Variants in IFT80 observed in about 807,000 individuals in gnomAD.
IFT80 encodes the protein intraflagellar transport protein 80 homolog.
A neutral mutation model predicts 107.9 loss-of-function variants in IFT80; 79 were observed. The ratio of observed to expected loss-of-function variants is 0.73; its 90% CI spans 0.61 to 0.88. IFT80 has a LOEUF of 0.88. Ranked by LOEUF, IFT80 falls within the 40% of genes least tolerant of loss-of-function variation. The pLI, the probability that IFT80 is intolerant of heterozygous loss-of-function variation, is 0.00. For missense variants in IFT80, 797 were observed against 914.2 expected, an observed-to-expected ratio of 0.87 and a Z score of 1.65; for synonymous variants, 299 against 300.9, an observed-to-expected ratio of 0.99 and a Z score of 0.07.
chr3:160,391,910 AG>A (rs1713415005), intron 1 of IFT80, among the ~76,000 whole-genome samples: 1 of 152,238 alleles, frequency 6.6e-6, no homozygotes, highest in Non-Finnish European at 1.5e-5. Context: ...AAACTAATGC[AG>A]GGAATTATCT....
chr3:160,313,967 T>C (rs1297064715), intron 9 of IFT80, among the ~76,000 whole-genome samples: 5 of 152,264 alleles, frequency 3.3e-5, no homozygotes, highest in African/African-American at 1.2e-4. Flanking sequence ...GCTCCAGGAT[T>C]AATTTCCTGA....
intron 13 of IFT80, among the ~76,000 whole-genome samples, chr3:160,283,006 T>TA: frequency 6.6e-6 from 1 of 152,190 alleles, no homozygotes; most frequent in African/African-American, 2.4e-5. Context: ...TAAATATTTG[T>TA]AAAAAAAATT....
Position 160,356,071 on chromosome 3 carries a change from T to G in IFT80, c.719A>C (p.Asp240Ala). Reference sequence around the variant, plus strand: ...CGATCCAACAGCAAATAATTCTCCATCTGGAGCCCAGGCAACTGAAGTAAT... The same window carrying G: ...CGATCCAACAGCAAATAATTCTCCAGCTGGAGCCCAGGCAACTGAAGTAAT... The part of the protein sequence containing the change: ...HPITSVAWAP[D>A]GELFAVGSFH... Residue 240 changes from aspartate (D) to alanine (A), a missense_variant, in exon 8 of 20, where the codon GAT becomes GCT. By Grantham distance (126) the Asp-to-Ala change is moderately radical. Coordinates refer to ENST00000326448, the MANE Select transcript of IFT80 (RefSeq NM_020800.3). 6.2e-7 allele frequency: 1 copy of G among 1,614,170 alleles called. No individual in the cohort carries two copies. The highest frequency in any genetic ancestry group is 1.6e-4 in the Middle Eastern group (1 of 6,062).
At chr3:160,364,891 T>A (rs994529317) in intron 6 of IFT80, among the ~76,000 whole-genome samples, 1 of 151,720 alleles carries the variant, frequency 6.6e-6, no homozygotes, top group Non-Finnish European at 1.5e-5. Context: ...TTAGGAGAAA[T>A]ACCTAATATA....
At chr3:160,260,215 T>C (rs1407843036) in intron 19 of IFT80, among the ~76,000 whole-genome samples, 3 of 152,202 alleles carry the variant, frequency 2.0e-5, no homozygotes, top group African/African-American at 7.2e-5. Context: ...CTCTCACTCA[T>C]AGAAGACAAA....
chr3:160,359,316 C>T (rs2108365650), intron 6 of IFT80, among the ~76,000 whole-genome samples: 1 of 152,302 alleles, frequency 6.6e-6, no homozygotes, highest in African/African-American at 2.4e-5. Context: ...TAACCAGCTT[C>T]CTGAGTTTCA....
intron 19 of IFT80, among the ~76,000 whole-genome samples, chr3:160,260,211 C>G (rs1416688456): frequency 1.3e-5 from 2 of 152,130 alleles, no homozygotes; most frequent in Non-Finnish European, 2.9e-5. Flanking sequence ...ATTCCTCTCA[C>G]TCATAGAAGA....
intron 10 of IFT80, among the ~76,000 whole-genome samples, chr3:160,306,437 A>C (rs1354398604): frequency 6.6e-6 from 1 of 152,166 alleles, no homozygotes; most frequent in Non-Finnish European, 1.5e-5. Context: ...CCCCATGAAA[A>C]TTAATTATTC....
chr3:160,313,414 T>C (rs1049777182), intron 9 of IFT80, among the ~76,000 whole-genome samples: 1 of 151,874 alleles, frequency 6.6e-6, no homozygotes, highest in Non-Finnish European at 1.5e-5. Context: ...ATTAAAATTA[T>C]AGATAGATTT....
intron 8 of IFT80, among the ~76,000 whole-genome samples, chr3:160,325,429 A>G: frequency 6.6e-6 from 1 of 152,256 alleles, no homozygotes; most frequent in African/African-American, 2.4e-5. Flanking sequence ...AAGAACTTAC[A>G]GATGCATGAT....
At chr3:160,388,274 A>C (rs556015346) in intron 1 of IFT80, among the ~76,000 whole-genome samples, 3 of 151,392 alleles carry the variant, frequency 2.0e-5, no homozygotes, top group African/African-American at 7.3e-5. Context: ...AAATCACATC[A>C]ATTACAAACA....
At position 160,385,965 on chromosome 3, in the gene IFT80, A is replaced by T. The variant is rs140181333; in HGVS notation, c.-46-1319T>A. Among the ~76,000 whole-genome samples, 477 of 152,356 alleles carry T rather than the reference A, an allele frequency of 3.1e-3. 3 individuals are homozygous for T. The highest frequency in any genetic ancestry group is 0.011 in the African/African-American group (437 of 41,588). On this transcript the variant is annotated intron_variant, in intron 1 of 19. Transcript: ENST00000326448. ...ATAACAACAATACACATAAAAACTG[A>T]ATATACTATTACAATCAGAAACTTA...
intron 8 of IFT80, among the ~76,000 whole-genome samples, chr3:160,324,401 T>C (rs1718514800): frequency 1.3e-5 from 2 of 152,010 alleles, no homozygotes; most frequent in African/African-American, 4.8e-5. Context: ...GCAAAACGAA[T>C]CCAGCAGCAC....
At chr3:160,321,534 A>G (rs1413672753) in intron 8 of IFT80, among the ~76,000 whole-genome samples, 1 of 151,988 alleles carries the variant, frequency 6.6e-6, no homozygotes, top group East Asian at 1.9e-4. Context: ...TGGAAGCCTG[A>G]AACTATAGAA....
intron 5 of IFT80, among the ~76,000 whole-genome samples, chr3:160,366,621 C>A (rs1286601845): frequency 6.6e-6 from 1 of 151,962 alleles, no homozygotes; most frequent in Non-Finnish European, 1.5e-5. Flanking sequence ...AAGCAGCAGT[C>A]TTGGGGCTTG....
chr3:160,389,851 T>C (rs548366249), intron 1 of IFT80, among the ~76,000 whole-genome samples: 66 of 152,248 alleles, frequency 4.3e-4, no homozygotes, highest in Admixed American at 7.2e-4. Context: ...TACCCACTAA[T>C]GGGATGGCTG....
chr3:160,367,480 A>C (rs1721944478), intron 5 of IFT80, among the ~76,000 whole-genome samples: 1 of 152,094 alleles, frequency 6.6e-6, no homozygotes, highest in Non-Finnish European at 1.5e-5. Flanking sequence ...AAATAACTTC[A>C]TCCAAAAACA....
chr3:160,324,468 G>T (rs577551836), intron 8 of IFT80, among the ~76,000 whole-genome samples: 169 of 152,170 alleles, frequency 1.1e-3, no homozygotes, highest in Non-Finnish European at 2.0e-3. Context: ...TGCAAGGCTG[G>T]TTCAATATAC....
chr3:160,266,154 T>A (rs1713300033), intron 19 of IFT80, among the ~76,000 whole-genome samples: 1 of 151,798 alleles, frequency 6.6e-6, no homozygotes, highest in Admixed American at 6.6e-5. Flanking sequence ...CTATATAGTT[T>A]CTGGATGGAA....
Sources: gnomAD v4.1 joint callset for allele counts (sites outside exome capture counted in the v4.1 genomes callset) on GRCh38, gnomAD v4.1.1 for gene constraint, MANE v1.5 for transcripts, NCBI Gene and HGNC (gene_info 2026-07-23, HGNC 2026-07-21) for gene names.